HLA-DRB5: variants seen among roughly 807,000 people sequenced by gnomAD.
HLA-DRB5 encodes DR beta-5.
A neutral mutation model predicts 22.4 loss-of-function variants in HLA-DRB5; 11 were observed. The observed-to-expected ratio is 0.49, with a 90% confidence interval of 0.31 to 0.81. The LOEUF (loss-of-function observed/expected upper bound fraction) is 0.81. HLA-DRB5 is among the 40% of genes least tolerant of loss of function. HLA-DRB5 has a pLI of 0.05. For missense variants in HLA-DRB5, 106 were observed against 274.4 expected (o/e 0.39, Z 4.34); for synonymous variants, 57 against 106.0 (o/e 0.54, Z 2.84).
chr6:32,525,631 GC>G, intron 1 of HLA-DRB5, among the ~76,000 whole-genome samples: 1 of 90,950 alleles, frequency 1.1e-5, no homozygotes, highest in Non-Finnish European at 2.2e-5. Context: ...GATTTAAACT[GC>G]AATCTGATTT....
chr6:32,518,763 G>C lies in HLA-DRB5; in HGVS notation c.653-97C>G, dbSNP rs531950386. 3.6e-5 allele frequency: 14 copies of C among 390,278 alleles called. 4 individuals are homozygous for C. Among genetic ancestry groups the C allele is most frequent in the South Asian group, 2.6e-4 (8 of 30,492 alleles). The allele number at this position is 390,278 out of a possible 1,614,324, so 24.2% of individuals were successfully genotyped here. ...CATAGCTTTGAAAATGGGGAAGAAG[G>C]CTGCTCTGTAAGAACTAAAATAACT... On this transcript the variant is annotated intron_variant, in intron 3 of 5. Transcript: ENST00000374975.
In HLA-DRB5 at chr6:32,530,140, C is replaced by T; in HGVS notation, c.85G>A (p.Ala29Thr). 2 of 1,530,266 alleles carry T rather than the reference C, an allele frequency of 1.3e-6. No individual in the cohort carries two copies. Among genetic ancestry groups the T allele is most frequent in the South Asian group, 1.1e-5 (1 of 87,016 alleles). The allele number at this position is 1,530,266 out of a possible 1,614,324, so 94.8% of individuals were successfully genotyped here. Residue 29 changes from alanine (A) to threonine (T), a missense_variant, in exon 1 of 6, where the codon GCT (alanine) becomes ACT (threonine). Coordinates refer to ENST00000374975, the MANE Select transcript of HLA-DRB5 (RefSeq NM_002125.4). ...GTGCACTTACGTCGGGTGTCCCCAG[C>T]CAAAGCCAGTGGGGAGCTCAGCACC... is the stretch of plus-strand genomic sequence containing the variant. ...LMVLSSPLAL[A>T]GDTRPRFLQQ...
intron 1 of HLA-DRB5, among the ~76,000 whole-genome samples, chr6:32,524,522 GTCA>G: frequency 1.2e-5 from 1 of 85,532 alleles, no homozygotes; most frequent in Admixed American, 1.4e-4. Flanking sequence ...CCCTCAGAAA[GTCA>G]GAAACCAAGA....
At chr6:32,526,204 C>CAGCAA (rs1463856366) in intron 1 of HLA-DRB5, among the ~76,000 whole-genome samples, 2,067 of 49,548 alleles carry the variant, frequency 0.042, 60 homozygotes, top group Non-Finnish European at 0.056. Context: ...ATATCAGCTC[C>CAGCAA]ACCAATCCCA....
At chr6:32,521,384 G>A (rs1172312937) in intron 2 of HLA-DRB5, among the ~76,000 whole-genome samples, 1 of 124,568 alleles carries the variant, frequency 8.0e-6, no homozygotes, top group African/African-American at 2.9e-5. Flanking sequence ...TTAATCTAAT[G>A]CTTTTGCAAA....
In HLA-DRB5 at chr6:32,526,091, A is replaced by G. The variant is rs961967157; in HGVS notation, c.101-3917T>C. 8.3e-5 allele frequency among the ~76,000 whole-genome samples: 9 copies of G among 108,718 alleles called. 1 individual carries two copies. Among genetic ancestry groups the G allele is most frequent in the African/African-American group, 3.3e-4 (9 of 26,902 alleles). 71.3% of individuals were successfully genotyped at this position (108,718 alleles called of 152,430 possible). A position where few individuals can be genotyped will look rare whatever the true frequency, so the allele number is the denominator to read the frequency against. On this transcript the variant is annotated intron_variant, in intron 1 of 5. Coordinates refer to ENST00000374975, the MANE Select transcript of HLA-DRB5 (RefSeq NM_002125.4). ...GAACCCAGAGCACAGTCCTTCCCTG[A>G]AGCTCGCTACTCAAAACAGTCAACC... is the stretch of plus-strand genomic sequence containing the variant.
At chr6:32,523,233 T>C (rs139487956) in intron 1 of HLA-DRB5, among the ~76,000 whole-genome samples, 1,028 of 34,110 alleles carry the variant, frequency 0.03, 74 homozygotes, top group Middle Eastern at 0.089. Context: ...AATTTGTTCA[T>C]AAAACTTATT....
intron 1 of HLA-DRB5, among the ~76,000 whole-genome samples, chr6:32,528,177 T>TGCCTAAGCATATGAACC (rs1334446855): frequency 1.6e-5 from 1 of 61,644 alleles, no homozygotes. Flanking sequence ...CTTTCTCAAG[T>TGCCTAAGCATATGAACC]AGGGCTCTCT....
At position 32,530,257 on chromosome 6, in the gene HLA-DRB5, G is replaced by A. The variant is rs374223960; in HGVS notation, c.-33C>T. 4.6e-6 allele frequency: 5 copies of A among 1,092,146 alleles called. No individual in the cohort carries two copies. The highest frequency in any genetic ancestry group is 6.4e-6 in the Non-Finnish European group (5 of 780,996). 67.7% of individuals were successfully genotyped at this position (1,092,146 alleles called of 1,614,324 possible). A position where few individuals can be genotyped will look rare whatever the true frequency, so the allele number is the denominator to read the frequency against. Reference sequence around the variant, plus strand: ...AACAGGACAGGACCAGGGGCCAGAGGAGCAGGCAAGTCTCACTCAGGGAGA... The same window carrying A: ...AACAGGACAGGACCAGGGGCCAGAGAAGCAGGCAAGTCTCACTCAGGGAGA... On this transcript the variant is annotated 5_prime_UTR_variant, in exon 1 of 6. Transcript: ENST00000374975.
intron 1 of HLA-DRB5, among the ~76,000 whole-genome samples, chr6:32,522,426 T>G (rs182972739): frequency 0.027 from 1,080 of 40,752 alleles, 414 homozygotes; most frequent in East Asian, 0.15. Context: ...GCCTCCAGCC[T>G]ATTCTGGAGA....
intron 2 of HLA-DRB5, among the ~76,000 whole-genome samples, chr6:32,521,361 A>G (rs374556045): frequency 0.061 from 7,104 of 116,024 alleles, 1 homozygote; most frequent in East Asian, 0.1. Flanking sequence ...GGTCTCCTCA[A>G]TTCCCCTAGA....
At chr6:32,523,730 G>C (rs139340286) in intron 1 of HLA-DRB5, among the ~76,000 whole-genome samples, 1 of 112,742 alleles carries the variant, frequency 8.9e-6, no homozygotes, top group Non-Finnish European at 1.9e-5. Context: ...TTGAATTTAT[G>C]CAACTGTCTA....
intron 1 of HLA-DRB5, among the ~76,000 whole-genome samples, chr6:32,525,652 A>C (rs867486627): frequency 1.2e-5 from 1 of 86,264 alleles, no homozygotes; most frequent in Non-Finnish European, 2.4e-5. Context: ...TCTAGCACCA[A>C]ATTTGTGATA....
chr6:32,517,763 A>G lies in HLA-DRB5; in HGVS notation c.788-11T>C, dbSNP rs199984984. 684 of 469,696 alleles carry G rather than the reference A, an allele frequency of 1.5e-3. 21 individuals are homozygous for G. Among genetic ancestry groups the G allele is most frequent in the Admixed American group, 3.0e-3 (37 of 12,304 alleles). The allele number at this position is 469,696 out of a possible 1,614,324, so 29.1% of individuals were successfully genotyped here. ...TTCAGCTCACGAGTCCTGCAGAGAG[A>G]GAGGAAAGTGTTGTTTTCAGACCTG... is the stretch of plus-strand genomic sequence containing the variant. On this transcript the variant is annotated splice_polypyrimidine_tract_variant and intron_variant, in intron 5 of 5. Coordinates refer to ENST00000374975, the MANE Select transcript of HLA-DRB5 (RefSeq NM_002125.4).
chr6:32,528,080 C>T (rs796374394), intron 1 of HLA-DRB5, among the ~76,000 whole-genome samples: 1,181 of 27,610 alleles, frequency 0.043, 54 homozygotes, highest in Middle Eastern at 0.062. Flanking sequence ...CACACCAGGG[C>T]TTCCCCCCCA....
chr6:32,524,132 G>A lies in HLA-DRB5; in HGVS notation c.101-1958C>T, dbSNP rs1262053430. Among the ~76,000 whole-genome samples the A allele has an allele frequency of 3.8e-4, 19 of 50,534 alleles. 4 individuals carry two copies. Among genetic ancestry groups the A allele is most frequent in the African/African-American group, 1.2e-3 (17 of 13,804 alleles). The allele number at this position is 50,534 out of a possible 152,430, so 33.2% of individuals were successfully genotyped here. On this transcript the variant is annotated intron_variant, in intron 1 of 5. Coordinates refer to ENST00000374975, the MANE Select transcript of HLA-DRB5 (RefSeq NM_002125.4). ...GTTGAACAAGCCACTAGTGGTTATG[G>A]AGCAGCTGAGAATTGTATTGAAAAA...
intron 1 of HLA-DRB5, among the ~76,000 whole-genome samples, chr6:32,528,069 C>T (rs111250459): frequency 0.015 from 568 of 38,616 alleles, 1 homozygote; most frequent in Admixed American, 0.022. Context: ...ACATAATTTC[C>T]CACACCAGGG....
At chr6:32,524,049 C>G (rs114291379) in intron 1 of HLA-DRB5, among the ~76,000 whole-genome samples, 5,659 of 29,246 alleles carry the variant, frequency 0.19, 1,600 homozygotes, top group Middle Eastern at 0.41. Context: ...GGGAAAGGAG[C>G]GGTGGTGAAC....
chr6:32,522,223 T>C (rs149025589), intron 1 of HLA-DRB5, 49 bp from the exon 2 acceptor site: 242,300 of 453,674 alleles, frequency 0.53, 110,776 homozygotes, highest in Admixed American at 0.85. Flanking sequence ...CCGGGGAAGA[T>C]ACTGACAGAG....
Sources: gnomAD v4.1 joint callset for allele counts (sites outside exome capture counted in the v4.1 genomes callset) on GRCh38, gnomAD v4.1.1 for gene constraint, MANE v1.5 for transcripts, NCBI Gene and HGNC (gene_info 2026-07-23, HGNC 2026-07-21) for gene names.